PREX1: variants seen among roughly 807,000 people sequenced by gnomAD.
PREX1 encodes phosphatidylinositol-3,4,5-trisphosphate dependent Rac exchange factor 1.
PREX1 carries 41 observed loss-of-function variants against 198.3 expected under a neutral mutation model. The observed-to-expected ratio is 0.21, with a 90% CI of 0.16 to 0.27. PREX1 has a LOEUF of 0.27. PREX1 is among the 10% of genes least tolerant of loss of function. The pLI is 1.00. For missense variants in PREX1, 1,620 were observed against 2,200.7 expected, an observed-to-expected ratio of 0.74 and a Z score of 5.28; for synonymous variants, 843 against 887.2, an observed-to-expected ratio of 0.95 and a Z score of 0.89.
At position 48,639,660 on chromosome 20, in the gene PREX1, G is replaced by A; in HGVS notation, c.3904+106C>T. On this transcript the variant is annotated intron_variant, in intron 30 of 39. Coordinates refer to ENST00000371941, the MANE Select transcript of PREX1 (RefSeq NM_020820.4). ...CTTCTCTTGTCCTCTCCCTGGTCATGGAGAAACAGGGGTCACAGAACTGGA... is the reference window on the plus strand; with the variant it reads ...CTTCTCTTGTCCTCTCCCTGGTCATAGAGAAACAGGGGTCACAGAACTGGA... 4.0e-6 allele frequency: 6 copies of A among 1,489,708 alleles called. No individual in the cohort carries two copies. In the South Asian group the frequency reaches 7.7e-5, roughly 19 times the overall value. 92.3% of individuals were successfully genotyped at this position (1,489,708 alleles called of 1,614,324 possible).
chr20:48,715,011 C>A (rs897613584), intron 5 of PREX1, among the ~76,000 whole-genome samples: 4 of 152,040 alleles, frequency 2.6e-5, no homozygotes, highest in Non-Finnish European at 5.9e-5. Flanking sequence ...AGGCTCCTGC[C>A]CAATTCAGAA....
At chr20:48,707,794 T>C (rs2089910170) in intron 6 of PREX1, among the ~76,000 whole-genome samples, 1 of 152,188 alleles carries the variant, frequency 6.6e-6, no homozygotes, top group African/African-American at 2.4e-5. Flanking sequence ...ACCTACTATG[T>C]ACCAGGTACA....
the PREX1 span, among the ~76,000 whole-genome samples, chr20:48,838,844 G>A: frequency 1.3e-5 from 2 of 151,728 alleles, no homozygotes; most frequent in South Asian, 4.2e-4. Context: ...TGGCCAACAT[G>A]GCAAAACCCC....
chr20:48,687,428 T>C (rs2123036266), intron 10 of PREX1, among the ~76,000 whole-genome samples: 1 of 152,356 alleles, frequency 6.6e-6, no homozygotes, highest in South Asian at 2.1e-4. Context: ...CAGCAAATGC[T>C]GTTGCCTTTC....
chr20:48,741,268 G>A (rs1408611421), intron 3 of PREX1, among the ~76,000 whole-genome samples: 2 of 152,228 alleles, frequency 1.3e-5, no homozygotes, highest in Admixed American at 1.3e-4. Context: ...TGGCACAGTC[G>A]TGACCTTGAG....
intron 15 of PREX1, among the ~76,000 whole-genome samples, chr20:48,660,484 G>A (rs1447804395): frequency 6.8e-6 from 1 of 147,112 alleles, no homozygotes; most frequent in Admixed American, 7.0e-5. Flanking sequence ...CTTGCCCAGG[G>A]GGGAAAAAAA....
the PREX1 span, among the ~76,000 whole-genome samples, chr20:48,863,952 CT>C: frequency 3.9e-5 from 6 of 152,118 alleles, no homozygotes; most frequent in African/African-American, 1.4e-4. Context: ...CTTGATAGAT[CT>C]TTTTTTCTAA....
the PREX1 span, among the ~76,000 whole-genome samples, chr20:48,877,714 C>A: frequency 6.6e-6 from 1 of 152,300 alleles, no homozygotes; most frequent in South Asian, 2.1e-4. Context: ...AACAATAGAG[C>A]AACTAGAGTG....
intron 25 of PREX1, among the ~76,000 whole-genome samples, chr20:48,648,875 C>T (rs886802724): frequency 3.9e-5 from 6 of 152,198 alleles, no homozygotes; most frequent in Non-Finnish European, 5.9e-5. Flanking sequence ...GCAAGAGCCT[C>T]GTGGGCGGGG....
the PREX1 span, among the ~76,000 whole-genome samples, chr20:48,834,919 G>A: frequency 6.6e-6 from 1 of 151,980 alleles, no homozygotes; most frequent in Admixed American, 6.5e-5. Context: ...ACCACGCCCA[G>A]GTAATTTTTG....
chr20:48,683,972 G>T (rs1302362323), intron 10 of PREX1, among the ~76,000 whole-genome samples: 1 of 152,038 alleles, frequency 6.6e-6, no homozygotes, highest in Non-Finnish European at 1.5e-5. Context: ...GCATGCAAAG[G>T]GCAGCTAGGT....
chr20:48,708,275 G>T lies in PREX1; in HGVS notation c.768C>A (p.His256Gln), dbSNP rs761520568. ...CTGTACACACCTCCCAGCCTTCGAT[G>T]TGGGACTGCAGCTGCTCCAGGGCTT... ...KLEALEQLQSHIEGWEGSNLT... is the reference protein window; with the variant it reads ...KLEALEQLQSQIEGWEGSNLT... The change falls in exon 6 of 40, where the codon CAC (histidine) becomes CAA (glutamine). Residue 256 changes from histidine to glutamine, a missense_variant. His to Gln is a conservative substitution (Grantham distance 24, BLOSUM62 0). Around this residue, in one of 7 missense-constraint regions of PREX1, gnomAD observed 488 missense variants for 802.5 expected, o/e 0.61. Transcript: ENST00000371941. 54 of 1,613,896 alleles carry T rather than the reference G, an allele frequency of 3.3e-5. No individual in the cohort carries two copies. The African/African-American group carries it at 5.6e-4, about 17-fold the overall frequency.
intron 13 of PREX1, 38 bp downstream of exon 13, chr20:48,679,322 G>A: frequency 6.3e-7 from 1 of 1,577,238 alleles, no homozygotes; most frequent in Non-Finnish European, 8.7e-7. Flanking sequence ...GCTGAGAAGA[G>A]GTAGAGGTGA....
intron 10 of PREX1, among the ~76,000 whole-genome samples, chr20:48,686,165 C>G (rs999969406): frequency 2.6e-5 from 4 of 152,034 alleles, no homozygotes; most frequent in Non-Finnish European, 4.4e-5. Flanking sequence ...GATTAAAAGA[C>G]ATGGCTGAAT....
chr20:48,769,414 T>C (rs1472038488), intron 1 of PREX1, among the ~76,000 whole-genome samples: 1 of 152,138 alleles, frequency 6.6e-6, no homozygotes, highest in Non-Finnish European at 1.5e-5. Flanking sequence ...TCTACCGTCG[T>C]CGCTGGGGCA....
upstream of PREX1, among the ~76,000 whole-genome samples, chr20:48,828,116 C>T (rs1246194718): frequency 2.0e-5 from 3 of 149,272 alleles, no homozygotes; most frequent in Non-Finnish European, 4.5e-5. Flanking sequence ...CGCCAGGGAC[C>T]GTCTGCCAAG....
At chr20:48,830,609 G>T (rs1283121149), upstream of PREX1, among the ~76,000 whole-genome samples, 1 of 152,186 alleles carries the variant, frequency 6.6e-6, no homozygotes, top group African/African-American at 2.4e-5. Context: ...TTGTGGATGG[G>T]TCCCATCTCT....
intron 13 of PREX1, 65 bp from the exon 14 acceptor site, chr20:48,676,333 T>C (rs1414552904): frequency 6.8e-7 from 1 of 1,472,232 alleles, no homozygotes; most frequent in African/African-American, 1.4e-5. Flanking sequence ...GGGGTGGTCC[T>C]GACTTCCCTG....
intron 1 of PREX1, among the ~76,000 whole-genome samples, chr20:48,760,456 C>T (rs2090174302): frequency 6.6e-6 from 1 of 152,070 alleles, no homozygotes. Flanking sequence ...CTCTGCCCTG[C>T]CCCATCCTCC....
Sources: gnomAD v4.1 joint callset for allele counts (sites outside exome capture counted in the v4.1 genomes callset) on GRCh38, gnomAD v4.1.1 for gene constraint, gnomAD v4.1.1 regional missense constraint, MANE v1.5 for transcripts, NCBI Gene and HGNC (gene_info 2026-07-23, HGNC 2026-07-21) for gene names.